CDKN2A: variants seen among roughly 807,000 people sequenced by gnomAD.
CDKN2A encodes cyclin-dependent kinase inhibitor 2A.
CDKN2A carries 3 observed loss-of-function variants against 11.1 expected under a neutral mutation model. The observed-to-expected ratio is 0.27, with a 90% CI of 0.12 to 0.70. CDKN2A has a LOEUF of 0.70. Ranked by LOEUF, CDKN2A falls within the 30% of genes least tolerant of loss-of-function variation. The pLI is 0.77. For missense variants in CDKN2A, 265 were observed against 233.6 expected, an observed-to-expected ratio of 1.13 and a Z score of -0.88; for synonymous variants, 122 against 108.1, an observed-to-expected ratio of 1.13 and a Z score of -0.80.
rs943743750 is a variant in CDKN2A at position 21,967,917 on chromosome 9, G to A, written c.*312C>T. ...GGAGGCTGCGAGGCTCGCAAGAAAT[G>A]CCCACATGAATGTGCGCTTAGGGCG... On this transcript the variant is annotated 3_prime_UTR_variant, in exon 3 of 3. Transcript: ENST00000304494. 4.8e-5 allele frequency: 19 copies of A among 393,810 alleles called. No individual in the cohort carries two copies. The highest frequency in any genetic ancestry group is 3.4e-4 in the African/African-American group (17 of 49,830). The allele number at this position is 393,810 out of a possible 1,614,324, so 24.4% of individuals were successfully genotyped here.
chr9:21,986,288 G>A (rs1357900796), intron 2 of CDKN2A, among the ~76,000 whole-genome samples: 1 of 152,008 alleles, frequency 6.6e-6, no homozygotes, highest in Non-Finnish European at 1.5e-5. Flanking sequence ...GTAGGAATAA[G>A]TAATTTATAT....
chr9:21,973,379 T>C (rs978425684), intron 1 of CDKN2A, among the ~76,000 whole-genome samples: 2 of 152,238 alleles, frequency 1.3e-5, no homozygotes, highest in Non-Finnish European at 2.9e-5. Context: ...GTAGTTAGGA[T>C]TCTAAGCCAA....
In CDKN2A at chr9:21,971,385, G is replaced by A. The variant is rs1053724034; in HGVS notation, c.151-177C>T. 24 of 1,463,992 alleles carry A rather than the reference G, an allele frequency of 1.6e-5. No homozygotes were observed. The African/African-American group carries it at 2.8e-4, about 17-fold the overall frequency. 90.7% of individuals were successfully genotyped at this position (1,463,992 alleles called of 1,614,324 possible). On this transcript the variant is annotated intron_variant, in intron 1 of 2. Coordinates refer to ENST00000304494, the MANE Select transcript of CDKN2A (RefSeq NM_000077.5). ...TCTTGAGTTCTCTATCCATTCTTCA[G>A]TACACAATGAATTCCATTATATCCT...
chr9:21,986,497 T>C (rs1319934791), intron 2 of CDKN2A, among the ~76,000 whole-genome samples: 2 of 152,024 alleles, frequency 1.3e-5, no homozygotes, highest in East Asian at 1.9e-4. Flanking sequence ...ACCATATACA[T>C]ATTTATAGCA....
At chr9:21,971,870 A>G (rs1251343950) in intron 1 of CDKN2A, among the ~76,000 whole-genome samples, 3 of 152,228 alleles carry the variant, frequency 2.0e-5, no homozygotes, top group East Asian at 3.9e-4. Flanking sequence ...CAAATATTTG[A>G]CATTTTTGTC....
chr9:21,980,436 A>G (rs140664092), intron 2 of CDKN2A, among the ~76,000 whole-genome samples: 1 of 152,166 alleles, frequency 6.6e-6, no homozygotes. Flanking sequence ...TCCATGATTT[A>G]TATTGTTTGA....
rs34886500 is a variant in CDKN2A at position 21,971,064 on chromosome 9, G to A, written c.295C>T (p.Arg99Trp). The change falls in exon 2 of 3, where the codon CGG (arginine) becomes TGG (tryptophan). Residue 99 changes from arginine to tryptophan, a missense_variant. By Grantham distance (101) the Arg-to-Trp change is moderately radical. Transcript: ENST00000304494. ...GFLDTLVVLH[R>W]AGARLDVRDA... ...CGCACGTCCAGCCGCGCCCCGGCCC[G>A]GTGCAGCACCACCAGCGTGTCCAGG... 3 of 1,605,426 alleles carry A rather than the reference G, an allele frequency of 1.9e-6. No homozygotes were observed. Among genetic ancestry groups the A allele is most frequent in the South Asian group, 2.2e-5 (2 of 90,972 alleles).
chr9:21,992,562 TA>T (rs759404962), intron 2 of CDKN2A: 1 of 459,820 alleles, frequency 2.2e-6, no homozygotes, highest in Non-Finnish European at 2.9e-6. Flanking sequence ...TAACATACTA[TA>T]AAATATTTTC....
chr9:21,976,107 G>A (rs1192090670), upstream of CDKN2A, among the ~76,000 whole-genome samples: 1 of 152,116 alleles, frequency 6.6e-6, no homozygotes, highest in Non-Finnish European at 1.5e-5. Flanking sequence ...AGCAGGACGC[G>A]GTGGCTCACA....
At chr9:21,984,316 A>C (rs188862129) in intron 2 of CDKN2A, among the ~76,000 whole-genome samples, 2 of 152,020 alleles carry the variant, frequency 1.3e-5, no homozygotes, top group East Asian at 1.9e-4. Context: ...AATCATGAGA[A>C]GTGACACTGG....
intron 1 of CDKN2A, chr9:21,994,232 A>G (rs765285880): frequency 6.2e-7 from 1 of 1,605,028 alleles, no homozygotes; most frequent in Non-Finnish European, 8.5e-7. Flanking sequence ...GGCGCTGCCC[A>G]CTCCCCCGTG....
At chr9:21,990,959 G>T (rs993884622) in intron 2 of CDKN2A, among the ~76,000 whole-genome samples, 1 of 152,090 alleles carries the variant, frequency 6.6e-6, no homozygotes, top group Non-Finnish European at 1.5e-5. Flanking sequence ...TTTAAGAGGT[G>T]GATTAATCTC....
At chr9:21,976,170 G>A (rs887145132), upstream of CDKN2A, among the ~76,000 whole-genome samples, 3 of 152,078 alleles carry the variant, frequency 2.0e-5, no homozygotes, top group African/African-American at 4.8e-5. Flanking sequence ...CCTGAGGTCA[G>A]GAGTTCGAGG....
At chr9:21,989,610 T>C (rs897866500) in intron 2 of CDKN2A, 1 of 152,120 alleles carries the variant, frequency 6.6e-6, no homozygotes, top group African/African-American at 2.4e-5. Context: ...TTCCCCGTGG[T>C]TCCTCCGGGT....
intron 2 of CDKN2A, among the ~76,000 whole-genome samples, chr9:21,980,294 A>C: frequency 6.6e-6 from 1 of 152,322 alleles, no homozygotes; most frequent in East Asian, 1.9e-4. Flanking sequence ...ATTAAAGATA[A>C]TTGTTTTAAA....
chr9:21,979,895 C>A (rs1280636569), intron 2 of CDKN2A, among the ~76,000 whole-genome samples: 6 of 152,040 alleles, frequency 3.9e-5, no homozygotes, highest in Admixed American at 3.9e-4. Context: ...AGCAACCCTA[C>A]AAATCAAAGA....
At chr9:21,975,624 GTGT>G (rs1474641801), upstream of CDKN2A, among the ~76,000 whole-genome samples, 3 of 152,174 alleles carry the variant, frequency 2.0e-5, no homozygotes, top group Non-Finnish European at 4.4e-5. Context: ...TTTCTCAGAC[GTGT>G]ACATTGCCTG....
At chr9:21,980,970 AT>A (rs36168473) in intron 2 of CDKN2A, among the ~76,000 whole-genome samples, 4,879 of 22,188 alleles carry the variant, frequency 0.22, 969 homozygotes, top group East Asian at 0.46. Context: ...AAAAAAAAAA[AT>A]GTATATATAT....
chr9:21,973,573 T>C (rs1819879624), intron 1 of CDKN2A, among the ~76,000 whole-genome samples: 1 of 152,302 alleles, frequency 6.6e-6, no homozygotes, highest in Non-Finnish European at 1.5e-5. Context: ...AAGTTACCCA[T>C]GTATTAATTA....
Sources: gnomAD v4.1 joint callset for allele counts (sites outside exome capture counted in the v4.1 genomes callset) on GRCh38, gnomAD v4.1.1 for gene constraint, MANE v1.5 for transcripts, NCBI Gene and HGNC (gene_info 2026-07-23, HGNC 2026-07-21) for gene names.